The following PRKCZ variants were observed in gnomAD, a reference collection of about 807,000 sequenced individuals.
PRKCZ encodes protein kinase C zeta type.
Under a neutral mutation model 79.5 loss-of-function variants are expected in PRKCZ, and 33 were observed. The observed-to-expected ratio is 0.41, with a 90% CI of 0.31 to 0.55. The LOEUF (loss-of-function observed/expected upper bound fraction) is 0.55, where lower values mean the gene tolerates loss of function less well. Ranked by LOEUF, PRKCZ falls within the 20% of genes least tolerant of loss-of-function variation. PRKCZ has a pLI of 0.19. For missense variants in PRKCZ, 578 were observed against 813.5 expected (o/e 0.71, Z 3.52); for synonymous variants, 342 against 320.9 (o/e 1.07, Z -0.70).
At chr1:2,170,291 G>T (rs766264369) in intron 11 of PRKCZ, among the ~76,000 whole-genome samples, 26 of 152,170 alleles carry the variant, frequency 1.7e-4, no homozygotes, top group Non-Finnish European at 2.9e-4. Context: ...CGGCAGCCGC[G>T]GGACCTCCAG....
Position 2,172,418 on chromosome 1 carries a change from A to C in PRKCZ, c.1285+30A>C. 1 of 1,597,814 alleles carries C rather than the reference A, an allele frequency of 6.3e-7. No individual in the cohort carries two copies. Among genetic ancestry groups the C allele is most frequent in the Non-Finnish European group, 8.5e-7 (1 of 1,171,418 alleles). The stretch of plus-strand genomic sequence containing the variant: ...GTGCCGCTGCCCTGGCCCCTCTCGG[A>C]GCACACAGGGCCAGAGATGGCTTCG... On this transcript the variant is annotated intron_variant, in intron 13 of 17. Coordinates refer to ENST00000378567, the MANE Select transcript of PRKCZ (RefSeq NM_002744.6). This position sits in a 1 kb window ranked among gnomAD's most constrained non-coding sequence, Gnocchi z 7.8.
intron 10 of PRKCZ, among the ~76,000 whole-genome samples, chr1:2,166,325 C>T (rs994369268): frequency 6.6e-6 from 1 of 152,124 alleles, no homozygotes; most frequent in African/African-American, 2.4e-5. Context: ...AGGCTGAAGC[C>T]GGAGGATTGC....
chr1:2,145,113 A>T (rs1014380579), intron 6 of PRKCZ: 4 of 152,320 alleles, frequency 2.6e-5, no homozygotes, highest in African/African-American at 9.6e-5. Context: ...AGCCACAGGG[A>T]TGGGGGACCA....
rs911777803 is a variant in PRKCZ at position 2,175,270 on chromosome 1, A to T, written c.1532A>T (p.Asp511Val). 1 of 1,613,720 alleles carries T rather than the reference A, an allele frequency of 6.2e-7. No homozygotes were observed. Among genetic ancestry groups the T allele is most frequent in the Non-Finnish European group, 8.5e-7 (1 of 1,179,956 alleles). Residue 511 changes from aspartate (D) to valine (V), a missense_variant, in exon 16 of 18, where the codon GAC becomes GTC. Transcript: ENST00000378567. ...TGCCGGCCACAGACTGGATTTTCTG[A>T]CATCAAGTCCCACGCGTTCTTCCGC... ...LGCRPQTGFS[D>V]IKSHAFFRSI...
chr1:2,065,042 T>C (rs181735754), intron 4 of PRKCZ, among the ~76,000 whole-genome samples: 26 of 152,242 alleles, frequency 1.7e-4, no homozygotes, highest in Non-Finnish European at 3.2e-4. Context: ...GTTTTACAGT[T>C]TTCCTTGTAC....
intron 4 of PRKCZ, among the ~76,000 whole-genome samples, chr1:2,110,901 C>T (rs1669613871): frequency 6.6e-6 from 1 of 151,994 alleles, no homozygotes; most frequent in African/African-American, 2.4e-5. Context: ...GGTGTAGTTC[C>T]TGAGAGACCG....
rs1428460388 is a variant in PRKCZ at position 2,055,474 on chromosome 1, G to A, written c.105G>A (p.Thr35=). Residue 35 remains threonine, a synonymous_variant, in exon 2 of 18, where the codon ACG becomes ACA. Coordinates refer to ENST00000378567, the MANE Select transcript of PRKCZ (RefSeq NM_002744.6). ...TCATCACCAGCGTGGACGCCGCCAC[G>A]ACCTTCGAGGAGCTCTGTGAGGAAG... ...DIFITSVDAA[T]TFEELCEEVR... is the part of the protein sequence containing the mutation. 7 of 1,613,768 alleles carry A rather than the reference G, an allele frequency of 4.3e-6. No homozygotes were observed. Among genetic ancestry groups the A allele is most frequent in the East Asian group, 2.2e-5 (1 of 44,872 alleles).
chr1:2,080,583 T>C (rs1663310101), intron 4 of PRKCZ, among the ~76,000 whole-genome samples: 1 of 152,192 alleles, frequency 6.6e-6, no homozygotes, highest in Non-Finnish European at 1.5e-5. Context: ...GTTTTGGATT[T>C]ACAGAAAAAT....
chr1:2,129,509 C>T (rs374111841), intron 4 of PRKCZ, among the ~76,000 whole-genome samples: 11 of 152,278 alleles, frequency 7.2e-5, no homozygotes, highest in African/African-American at 2.6e-4. Flanking sequence ...GGACAGGACC[C>T]TGGGGCGGAC....
intron 4 of PRKCZ, among the ~76,000 whole-genome samples, chr1:2,102,116 A>G (rs914427266): frequency 5.9e-5 from 9 of 152,086 alleles, no homozygotes; most frequent in Admixed American, 1.3e-4. Flanking sequence ...GGTGACTTCC[A>G]TACTGGGGGC....
intron 4 of PRKCZ, among the ~76,000 whole-genome samples, chr1:2,134,153 G>C (rs537905120): frequency 6.6e-6 from 1 of 152,170 alleles, no homozygotes; most frequent in Non-Finnish European, 1.5e-5. Context: ...GGGCTGAGCC[G>C]CCCGCTGCCG....
chr1:2,150,531 C>T (rs566907204), intron 8 of PRKCZ, among the ~76,000 whole-genome samples: 3 of 152,338 alleles, frequency 2.0e-5, no homozygotes, highest in East Asian at 1.9e-4. Context: ...TGACCAGAGC[C>T]ATGGTCTGTG....
intron 4 of PRKCZ, among the ~76,000 whole-genome samples, chr1:2,097,767 C>T (rs1410497783): frequency 6.6e-6 from 1 of 152,162 alleles, no homozygotes; most frequent in African/African-American, 2.4e-5. Flanking sequence ...ATTTTGGGTG[C>T]TGCAAAAGAA....
rs781180938 is a variant in PRKCZ, at chr1:2,177,061, T to TCCTC, written c.1575+1749_1575+1752dup. Among the ~76,000 whole-genome samples, 10 of 152,330 alleles carry TCCTC rather than the reference T, an allele frequency of 6.6e-5. No homozygotes were observed. Among genetic ancestry groups the TCCTC allele is most frequent in the Non-Finnish European group, 1.5e-4 (10 of 68,016 alleles). On this transcript the variant is annotated intron_variant, in intron 16 of 17. Coordinates refer to ENST00000378567, the MANE Select transcript of PRKCZ (RefSeq NM_002744.6). The surrounding 1 kb of genome is among the most constrained non-coding windows in gnomAD (Gnocchi z 6.4). Reference sequence around the variant, plus strand: ...TGCCTTTGGTTCTAACTGTCAGTCATCCTCACGCCCAGGCCGGGGTTAGAG... The same window carrying TCCTC: ...TGCCTTTGGTTCTAACTGTCAGTCATCCTCCCTCACGCCCAGGCCGGGGTTAGAG...
intron 9 of PRKCZ, 80 bp from the exon 10 acceptor site, chr1:2,155,915 C>T: frequency 2.4e-6 from 3 of 1,227,800 alleles, no homozygotes; most frequent in Admixed American, 1.7e-5. Context: ...AAAGAGACTC[C>T]TCCCTTGCCT....
Position 2,074,155 on chromosome 1 carries a change from G to C in PRKCZ, c.334+14564G>C, listed in dbSNP as rs1479728213. 6 of 1,546,722 alleles carry C rather than the reference G, an allele frequency of 3.9e-6. No individual in the cohort carries two copies. In the Admixed American group the frequency reaches 1.2e-4, roughly 30 times the overall value. On this transcript the variant is annotated intron_variant, in intron 4 of 17. Coordinates refer to ENST00000378567, the MANE Select transcript of PRKCZ (RefSeq NM_002744.6). The stretch of plus-strand genomic sequence containing the variant: ...GCAGCAGCTCCCAGCAATGTCAGGG[G>C]AAACGCAGTGAGAGGCTGTTGTTTT...
At chr1:2,070,801 G>T (rs542084454) in intron 4 of PRKCZ, among the ~76,000 whole-genome samples, 1 of 150,904 alleles carries the variant, frequency 6.6e-6, no homozygotes, top group Non-Finnish European at 1.5e-5. Context: ...GACAGTCCTC[G>T]GCTGCGGGGG....
Position 2,124,404 on chromosome 1 carries a change from C to T in PRKCZ, c.335-10858C>T, listed in dbSNP as rs75085765. On this transcript the variant is annotated intron_variant, in intron 4 of 17. Transcript: ENST00000378567. ...AGGGTCACGGCGGTGGTTAGGGTCA[C>T]GGTGGTGGTTAGGGTCACAGGGTAG... is the stretch of plus-strand genomic sequence containing the variant. Among the ~76,000 whole-genome samples, 101 of 112,794 alleles carry T rather than the reference C, an allele frequency of 9.0e-4. 7 individuals are homozygous for T. The highest frequency in any genetic ancestry group is 3.4e-3 in the African/African-American group (96 of 28,378). The allele number at this position is 112,794 out of a possible 152,430, so 74.0% of individuals were successfully genotyped here.
rs951190453 is a variant in PRKCZ at position 2,172,969 on chromosome 1, CGTGT to C, written c.1285+585_1285+588del. 3.5e-4 allele frequency among the ~76,000 whole-genome samples: 52 copies of C among 150,246 alleles called. No individual in the cohort carries two copies. Among genetic ancestry groups the C allele is most frequent in the African/African-American group, 1.2e-3 (49 of 40,392 alleles). On this transcript the variant is annotated intron_variant, in intron 13 of 17. Transcript: ENST00000378567. The surrounding 1 kb of genome is among the most constrained non-coding windows in gnomAD (Gnocchi z 7.8). The stretch of plus-strand genomic sequence containing the variant: ...GGGCACGCGTGTGCAGCCGTGTGTG[CGTGT>C]GTGAAACGGGGACGTGGGCACGCGT...
Sources: allele counts gnomAD v4.1 joint callset (sites outside exome capture counted in the v4.1 genomes callset), GRCh38; gene constraint gnomAD v4.1.1; non-coding constraint Gnocchi (gnomAD v3.1); transcripts MANE v1.5; gene names NCBI Gene and HGNC (gene_info 2026-07-23, HGNC 2026-07-21).